MAPK10: variants seen among roughly 807,000 people sequenced by gnomAD.
MAPK10 encodes JNK3 alpha protein kinase.
Under a neutral mutation model 59.3 loss-of-function variants are expected in MAPK10, and 25 were observed. That is an observed-to-expected ratio of 0.42 (90% CI 0.31 to 0.59). The LOEUF (loss-of-function observed/expected upper bound fraction) is 0.59, where lower values mean the gene tolerates loss of function less well. Among genes scored for constraint, MAPK10 ranks in the 20% least tolerant of loss-of-function variants. The pLI is 0.15. For synonymous variants in MAPK10, 190 were observed against 200.5 expected, an observed-to-expected ratio of 0.95 and a Z score of 0.44; for missense variants, 351 against 568.9, an observed-to-expected ratio of 0.62 and a Z score of 3.90.
chr4:86,062,825 T>C (rs933036357), intron 11 of MAPK10, among the ~76,000 whole-genome samples: 11 of 152,284 alleles, frequency 7.2e-5, no homozygotes, highest in African/African-American at 2.4e-4. Context: ...CCCAAGAACA[T>C]CTGTGCAAGT....
intron 11 of MAPK10, among the ~76,000 whole-genome samples, chr4:86,051,130 AC>A (rs1220990330): frequency 6.6e-6 from 1 of 151,956 alleles, no homozygotes; most frequent in Non-Finnish European, 1.5e-5. Flanking sequence ...TCTACAAACA[AC>A]CCTCTGAGTC....
At chr4:86,126,657 A>G (rs1276693799) in intron 4 of MAPK10, among the ~76,000 whole-genome samples, 2 of 152,122 alleles carry the variant, frequency 1.3e-5, no homozygotes, top group East Asian at 3.9e-4. Context: ...AGGTCCTAAC[A>G]TACTGTATTG....
chr4:86,523,119 T>C (rs1757239830), intron 1 of MAPK10, among the ~76,000 whole-genome samples: 1 of 152,210 alleles, frequency 6.6e-6, no homozygotes, highest in South Asian at 2.1e-4. Flanking sequence ...CTTATATTGA[T>C]ATTATTAATA....
chr4:86,329,934 AG>A (rs2096115152), intron 2 of MAPK10, among the ~76,000 whole-genome samples: 1 of 152,224 alleles, frequency 6.6e-6, no homozygotes. Context: ...ACTGGGATAA[AG>A]ATGGGCAGAG....
intron 1 of MAPK10, chr4:86,384,295 T>G (rs1261545705): frequency 6.6e-6 from 1 of 152,176 alleles, no homozygotes; most frequent in African/African-American, 2.4e-5. Flanking sequence ...TTAAATAAAT[T>G]TAAACAGAAA....
At chr4:86,304,455 C>T (rs542209049) in intron 2 of MAPK10, among the ~76,000 whole-genome samples, 1,531 of 145,418 alleles carry the variant, frequency 0.011, 8 homozygotes, top group South Asian at 0.032. Context: ...TGCAGTGGCG[C>T]AATCTCGGCT....
At chr4:86,145,063 A>G (rs2064576369) in intron 4 of MAPK10, among the ~76,000 whole-genome samples, 1 of 152,200 alleles carries the variant, frequency 6.6e-6, no homozygotes. Flanking sequence ...CCTCCTTAAA[A>G]TACAACGAAG....
chr4:86,166,644 T>C (rs1361782333), intron 3 of MAPK10, among the ~76,000 whole-genome samples: 3 of 152,118 alleles, frequency 2.0e-5, no homozygotes, highest in African/African-American at 7.2e-5. Context: ...AAGAAGATAT[T>C]TTTCCTTAGT....
At chr4:86,536,234 T>C (rs1758236444) in intron 1 of MAPK10, among the ~76,000 whole-genome samples, 1 of 152,214 alleles carries the variant, frequency 6.6e-6, no homozygotes, top group African/African-American at 2.4e-5. Context: ...CTTATAACAG[T>C]AAATATGCTC....
chr4:86,363,489 T>G (rs1266839972), upstream of MAPK10, among the ~76,000 whole-genome samples: 2 of 152,222 alleles, frequency 1.3e-5, no homozygotes, highest in East Asian at 1.9e-4. Flanking sequence ...CTTTTTAAGC[T>G]TTTTGAAAAT....
intron 9 of MAPK10, chr4:86,081,067 T>C (rs771894252): frequency 1.3e-5 from 2 of 151,966 alleles, no homozygotes; most frequent in Non-Finnish European, 2.9e-5. Flanking sequence ...GGTGCAGAGA[T>C]AGACAAACAA....
intron 9 of MAPK10, chr4:86,080,901 T>C (rs2050514271): frequency 6.6e-6 from 1 of 152,068 alleles, no homozygotes; most frequent in African/African-American, 2.4e-5. Context: ...AGGGATCTTT[T>C]TTTAAAGTTA....
At chr4:86,336,922 C>A (rs12504929) in intron 2 of MAPK10, among the ~76,000 whole-genome samples, 68,106 of 151,002 alleles carry the variant, frequency 0.45, 15,796 homozygotes, top group Non-Finnish European at 0.51. Context: ...TCCCAAGTAG[C>A]TGGGACTACA....
In MAPK10 at chr4:86,359,288, C is replaced by CTCTCTCTCTCTCTCTCTG. The variant is rs796310826; in HGVS notation, c.-122+369_-122+370insCAGAGAGAGAGAGAGAGA. On this transcript the variant is annotated intron_variant, in intron 1 of 13. Transcript: ENST00000641462. ...CCTCTCTCTCTCTCTCTCTCTCTCT[C>CTCTCTCTCTCTCTCTCTG]TGTGTGTGTGTGTGTGTGTGTGTGT... 2.5e-3 allele frequency among the ~76,000 whole-genome samples: 237 copies of CTCTCTCTCTCTCTCTCTG among 94,590 alleles called. 1 individual carries two copies. The highest frequency in any genetic ancestry group is 4.6e-3 in the African/African-American group (86 of 18,824). 62.1% of individuals were successfully genotyped at this position (94,590 alleles called of 152,430 possible).
intron 3 of MAPK10, among the ~76,000 whole-genome samples, chr4:86,177,801 AAGTAAT>A (rs1345170033): frequency 1.3e-5 from 2 of 152,084 alleles, no homozygotes; most frequent in African/African-American, 4.8e-5. Context: ...CTGTGCCAAA[AAGTAAT>A]AGTAAATCAA....
chr4:86,302,674 C>T (rs1012564510), intron 2 of MAPK10, among the ~76,000 whole-genome samples: 7 of 152,136 alleles, frequency 4.6e-5, no homozygotes, highest in Non-Finnish European at 7.4e-5. Context: ...ACATCCAAAT[C>T]TTTGCAAAAA....
In MAPK10 at chr4:86,015,648, C is replaced by G. The variant is rs1478678203; in HGVS notation, c.*1580G>C. The stretch of plus-strand genomic sequence containing the variant: ...CATTTAATTTAATTTAAGCTAAATT[C>G]TGGAGATTTTGCTAAACATTGACAT... On this transcript the variant is annotated 3_prime_UTR_variant, in exon 14 of 14. Coordinates refer to ENST00000641462, the MANE Select transcript of MAPK10 (RefSeq NM_138982.4). 6.6e-6 allele frequency: 1 copy of G among 152,210 alleles called. No homozygotes were observed. The highest frequency in any genetic ancestry group is 1.5e-5 in the Non-Finnish European group (1 of 68,040). The allele number at this position is 152,210 out of a possible 1,614,324, so 9.4% of individuals were successfully genotyped here.
chr4:86,131,159 CA>C (rs1235131648), intron 4 of MAPK10, among the ~76,000 whole-genome samples: 1 of 152,048 alleles, frequency 6.6e-6, no homozygotes, highest in Non-Finnish European at 1.5e-5. Flanking sequence ...AGTATCAAAT[CA>C]AATGTTTCAC....
At chr4:86,020,945 C>T (rs1228193550) in intron 13 of MAPK10, 1 of 152,230 alleles carries the variant, frequency 6.6e-6, no homozygotes, top group Non-Finnish European at 1.5e-5. Context: ...GGGCAGCCTG[C>T]TTTTATTCTC....
Sources: allele counts gnomAD v4.1 joint callset (sites outside exome capture counted in the v4.1 genomes callset), GRCh38; gene constraint gnomAD v4.1.1; transcripts MANE v1.5; gene names NCBI Gene and HGNC (gene_info 2026-07-23, HGNC 2026-07-21).